The following TPBGL variants were observed in gnomAD, a reference collection of about 807,000 sequenced individuals.
TPBGL encodes the protein trophoblast glycoprotein like, also known as trophoblast glycoprotein-like.
For missense variants in TPBGL, 685 were observed against 609.4 expected, an observed-to-expected ratio of 1.12 and a Z score of -1.31; for synonymous variants, 380 against 314.8, an observed-to-expected ratio of 1.21 and a Z score of -2.19.
In TPBGL at chr11:75,243,494, C is replaced by T. The variant is rs533893311; in HGVS notation, c.*1296C>T. The stretch of plus-strand genomic sequence containing the variant: ...CCTTGCCTTCTCCATGATCCCAAAG[C>T]ACAATTGGTGAGTGGGGGAGAGGAC... On this transcript the variant is annotated 3_prime_UTR_variant, in exon 1 of 1. Coordinates refer to ENST00000562197, the MANE Select transcript of TPBGL (RefSeq NM_001195528.2). The T allele has an allele frequency of 6.6e-6, 1 of 152,356 alleles. No homozygotes were observed. The highest frequency in any genetic ancestry group is 2.1e-4 in the South Asian group (1 of 4,826). 9.4% of individuals were successfully genotyped at this position (152,356 alleles called of 1,614,324 possible).
Position 75,241,747 on chromosome 11 carries a change from A to G in TPBGL, c.698A>G (p.Asp233Gly). Residue 233 changes from aspartate to glycine, a missense_variant, in exon 1 of 1, where the codon GAC (aspartate) becomes GGC (glycine). Asp to Gly is a moderately conservative substitution (Grantham distance 94). Coordinates refer to ENST00000562197, the MANE Select transcript of TPBGL (RefSeq NM_001195528.2). Reference sequence around the variant, plus strand: ...CCCGGGCCGCGCCTGCTGCTCGCCGACAACCCCCTGCGCTGCGGCTGTGCC... The same window carrying G: ...CCCGGGCCGCGCCTGCTGCTCGCCGGCAACCCCCTGCGCTGCGGCTGTGCC... ...GLPGPRLLLA[D>G]NPLRCGCAAR... The G allele has an allele frequency of 4.6e-6, 6 of 1,295,358 alleles. No homozygotes were observed. Among genetic ancestry groups the G allele is most frequent in the Non-Finnish European group, 4.9e-6 (5 of 1,018,864 alleles). The allele number at this position is 1,295,358 out of a possible 1,614,324, so 80.2% of individuals were successfully genotyped here.
At position 75,240,859 on chromosome 11, in the gene TPBGL, G is replaced by T. The variant is rs1433458716; in HGVS notation, c.-191G>T. On this transcript the variant is annotated 5_prime_UTR_variant, in exon 1 of 1. Coordinates refer to ENST00000562197, the MANE Select transcript of TPBGL (RefSeq NM_001195528.2). ...CCGGGGGCGGGGGGCTCCGCTCCCC[G>T]TCTGACCCCTCTTGCCCCCGGCCAG... is the stretch of plus-strand genomic sequence containing the variant. The T allele has an allele frequency of 2.9e-6, 1 of 340,346 alleles. No homozygotes were observed. The highest frequency in any genetic ancestry group is 5.1e-6 in the Non-Finnish European group (1 of 197,402). 21.1% of individuals were successfully genotyped at this position (340,346 alleles called of 1,614,324 possible). A position where few individuals can be genotyped will look rare whatever the true frequency, so the allele number is the denominator to read the frequency against.
In TPBGL at chr11:75,241,825, C is replaced by G. The variant is rs999541894; in HGVS notation, c.776C>G (p.Ser259Trp). 1.6e-6 allele frequency: 2 copies of G among 1,286,680 alleles called. No individual in the cohort carries two copies. The highest frequency in any genetic ancestry group is 4.1e-5 in the Admixed American group (1 of 24,590). 79.7% of individuals were successfully genotyped at this position (1,286,680 alleles called of 1,614,324 possible). ...LRNATERVPDSRRLRCAAPRA... is the reference protein window; with the variant it reads ...LRNATERVPDWRRLRCAAPRA... ...AACGCCACGGAGCGCGTGCCCGACT[C>G]GCGGCGCCTGCGCTGCGCCGCCCCG... The change falls in exon 1 of 1, where the codon TCG becomes TGG. Residue 259 changes from serine to tryptophan, a missense_variant. Coordinates refer to ENST00000562197, the MANE Select transcript of TPBGL (RefSeq NM_001195528.2).
At position 75,242,128 on chromosome 11, in the gene TPBGL, A is replaced by G. The variant is rs977746724; in HGVS notation, c.1079A>G (p.Asp360Gly). ...GYHYRYEQDADPRRAPAPAAP... is the reference protein window; with the variant it reads ...GYHYRYEQDAGPRRAPAPAAP... ...CACTACCGCTACGAGCAGGACGCCG[A>G]CCCGCGCCGCGCGCCCGCGCCCGCC... is the stretch of plus-strand genomic sequence containing the variant. Residue 360 changes from aspartate to glycine, a missense_variant, in exon 1 of 1, where the codon GAC becomes GGC. By Grantham distance (94) the Asp-to-Gly change is moderately conservative. Transcript: ENST00000562197. The G allele has an allele frequency of 2.4e-6, 3 of 1,239,982 alleles. No individual in the cohort carries two copies. The highest frequency in any genetic ancestry group is 3.0e-6 in the Non-Finnish European group (3 of 993,044). 76.8% of individuals were successfully genotyped at this position (1,239,982 alleles called of 1,614,324 possible).
rs762388422 is a variant in TPBGL, at chr11:75,241,479, C to T, written c.430C>T (p.Leu144=). Residue 144 remains leucine (L), a synonymous_variant, in exon 1 of 1, where the codon CTG becomes TTG. Transcript: ENST00000562197. ...CGGCGCCTTCCGCGGGCTGCCCGCG[C>T]TGCGCTCGCTGCAGCTCAACCACGC... ...GGGAFRGLPA[L]RSLQLNHALV... The T allele has an allele frequency of 8.0e-7, 1 of 1,252,262 alleles. No individual in the cohort carries two copies. Among genetic ancestry groups the T allele is most frequent in the East Asian group, 3.5e-5 (1 of 28,484 alleles). 77.6% of individuals were successfully genotyped at this position (1,252,262 alleles called of 1,614,324 possible). A position where few individuals can be genotyped will look rare whatever the true frequency, so the allele number is the denominator to read the frequency against.
In TPBGL at chr11:75,242,235, C is replaced by A. The variant is rs1160198458; in HGVS notation, c.*37C>A. 1.4e-5 allele frequency: 15 copies of A among 1,084,774 alleles called. No homozygotes were observed. The Admixed American group carries it at 7.2e-4, about 52-fold the overall frequency. 67.2% of individuals were successfully genotyped at this position (1,084,774 alleles called of 1,614,324 possible). A position where few individuals can be genotyped will look rare whatever the true frequency, so the allele number is the denominator to read the frequency against. The stretch of plus-strand genomic sequence containing the variant: ...GGGCTCGGGGCTTCCCTTGCCTGGC[C>A]CGAAGCCGTGGAGATGAGACACCCG... On this transcript the variant is annotated 3_prime_UTR_variant, in exon 1 of 1. Transcript: ENST00000562197.
chr11:75,241,597 C>A lies in TPBGL; in HGVS notation c.548C>A (p.Ala183Glu). Residue 183 changes from alanine (A) to glutamate (E), a missense_variant, in exon 1 of 1, where the codon GCG (alanine) becomes GAG (glutamate). Transcript: ENST00000562197. ...ELRLLGLAGNALSRLPPAALR... is the reference protein window; with the variant it reads ...ELRLLGLAGNELSRLPPAALR... ...CGCCTGCTGGGCCTAGCGGGCAACG[C>A]GCTGAGCCGTCTGCCGCCAGCCGCC... 7.6e-7 allele frequency: 1 copy of A among 1,318,114 alleles called. No individual in the cohort carries two copies. The highest frequency in any genetic ancestry group is 9.8e-7 in the Non-Finnish European group (1 of 1,025,612). 81.7% of individuals were successfully genotyped at this position (1,318,114 alleles called of 1,614,324 possible).
rs1371029745 is a variant in TPBGL at position 75,242,304 on chromosome 11, A to C, written c.*106A>C. On this transcript the variant is annotated 3_prime_UTR_variant, in exon 1 of 1. Coordinates refer to ENST00000562197, the MANE Select transcript of TPBGL (RefSeq NM_001195528.2). ...ACCTTCCCCTGACTCGGAGGCGCTAAGCCGTACCCTCTCGTTCCCGCCTCC... is the reference window on the plus strand; with the variant it reads ...ACCTTCCCCTGACTCGGAGGCGCTACGCCGTACCCTCTCGTTCCCGCCTCC... 9.6e-7 allele frequency: 1 copy of C among 1,038,310 alleles called. No homozygotes were observed. Among genetic ancestry groups the C allele is most frequent in the African/African-American group, 1.7e-5 (1 of 58,338 alleles). 64.3% of individuals were successfully genotyped at this position (1,038,310 alleles called of 1,614,324 possible). A position where few individuals can be genotyped will look rare whatever the true frequency, so the allele number is the denominator to read the frequency against.
Position 75,242,336 on chromosome 11 carries a change from T to C in TPBGL, c.*138T>C. 1 of 1,001,856 alleles carries C rather than the reference T, an allele frequency of 1.0e-6. No homozygotes were observed. 62.1% of individuals were successfully genotyped at this position (1,001,856 alleles called of 1,614,324 possible). A position where few individuals can be genotyped will look rare whatever the true frequency, so the allele number is the denominator to read the frequency against. The stretch of plus-strand genomic sequence containing the variant: ...CCCTCTCGTTCCCGCCTCCGAGAGC[T>C]CCCACCGTCAAAGACCCAGAGATAG... On this transcript the variant is annotated 3_prime_UTR_variant, in exon 1 of 1. Coordinates refer to ENST00000562197, the MANE Select transcript of TPBGL (RefSeq NM_001195528.2).
In TPBGL at chr11:75,240,967, C is replaced by T; in HGVS notation, c.-83C>T. On this transcript the variant is annotated 5_prime_UTR_variant, in exon 1 of 1. Transcript: ENST00000562197. The stretch of plus-strand genomic sequence containing the variant: ...TGCCAGCCGCTCCGGGTCAAGGACT[C>T]GCCCCACCCGTGCCCCCCACCAGGC... The T allele has an allele frequency of 4.8e-6, 5 of 1,038,660 alleles. No homozygotes were observed. The highest frequency in any genetic ancestry group is 6.1e-6 in the Non-Finnish European group (5 of 825,040). The allele number at this position is 1,038,660 out of a possible 1,614,324, so 64.3% of individuals were successfully genotyped here.
chr11:75,241,084 G>T lies in TPBGL; in HGVS notation c.35G>T (p.Gly12Val). Residue 12 changes from glycine to valine, a missense_variant, in exon 1 of 1, where the codon GGG (glycine) becomes GTG (valine). Coordinates refer to ENST00000562197, the MANE Select transcript of TPBGL (RefSeq NM_001195528.2). ...CGCGCGGGACAGCCGGGGCTCCAGGGGCTGCTGCTCGTGGCGGCGGCGCTG... is the reference window on the plus strand; with the variant it reads ...CGCGCGGGACAGCCGGGGCTCCAGGTGCTGCTGCTCGTGGCGGCGGCGCTG... ...APRAGQPGLQ[G>V]LLLVAAALSQ... 5 of 1,339,178 alleles carry T rather than the reference G, an allele frequency of 3.7e-6. No individual in the cohort carries two copies. Among genetic ancestry groups the T allele is most frequent in the Non-Finnish European group, 4.8e-6 (5 of 1,044,638 alleles). The allele number at this position is 1,339,178 out of a possible 1,614,324, so 83.0% of individuals were successfully genotyped here.
chr11:75,241,521 C>A lies in TPBGL; in HGVS notation c.472C>A (p.Pro158Thr). The A allele has an allele frequency of 8.2e-7, 1 of 1,216,662 alleles. No individual in the cohort carries two copies. Among genetic ancestry groups the A allele is most frequent in the Non-Finnish European group, 1.0e-6 (1 of 979,558 alleles). 75.4% of individuals were successfully genotyped at this position (1,216,662 alleles called of 1,614,324 possible). Residue 158 changes from proline (P) to threonine (T), a missense_variant, in exon 1 of 1, where the codon CCC becomes ACC. Transcript: ENST00000562197. ...QLNHALVRGG[P>T]ALLAALDAAL... ...CAACCACGCGCTGGTGCGCGGCGGC[C>A]CCGCGCTGCTGGCCGCGCTGGACGC...
In TPBGL at chr11:75,241,383, G is replaced by T; in HGVS notation, c.334G>T (p.Gly112Cys). 9 of 1,372,718 alleles carry T rather than the reference G, an allele frequency of 6.6e-6. No homozygotes were observed. The highest frequency in any genetic ancestry group is 1.5e-5 in the African/African-American group (1 of 65,508). 85.0% of individuals were successfully genotyped at this position (1,372,718 alleles called of 1,614,324 possible). A position where few individuals can be genotyped will look rare whatever the true frequency, so the allele number is the denominator to read the frequency against. ...THNHIEVVED[G>C]AFDGLPSLAA... The stretch of plus-strand genomic sequence containing the variant: ...CAACCACATCGAGGTGGTGGAGGAC[G>T]GCGCCTTCGACGGGCTGCCCAGCCT... The change falls in exon 1 of 1, where the codon GGC becomes TGC. Residue 112 changes from glycine to cysteine, a missense_variant. By Grantham distance (159) the Gly-to-Cys change is radical. Coordinates refer to ENST00000562197, the MANE Select transcript of TPBGL (RefSeq NM_001195528.2).
In TPBGL at chr11:75,241,433, C is replaced by G. The variant is rs967219740; in HGVS notation, c.384C>G (p.Asn128Lys). The change falls in exon 1 of 1, where the codon AAC becomes AAG. Residue 128 changes from asparagine (N) to lysine (K), a missense_variant. By Grantham distance (94) the Asn-to-Lys change is moderately conservative. Transcript: ENST00000562197. ...PSLAALDLSH[N>K]PLRALGGGAF... Reference sequence around the variant, plus strand: ...TGGCGGCGCTCGACCTCAGCCACAACCCGCTGCGCGCCCTGGGCGGCGGCG... The same window carrying G: ...TGGCGGCGCTCGACCTCAGCCACAAGCCGCTGCGCGCCCTGGGCGGCGGCG... 5.1e-5 allele frequency: 67 copies of G among 1,305,394 alleles called. No individual in the cohort carries two copies. Among genetic ancestry groups the G allele is most frequent in the Non-Finnish European group, 6.1e-5 (63 of 1,028,662 alleles). The allele number at this position is 1,305,394 out of a possible 1,614,324, so 80.9% of individuals were successfully genotyped here.
In TPBGL at chr11:75,241,723, C is replaced by G. The variant is rs973113724; in HGVS notation, c.674C>G (p.Pro225Arg). Residue 225 changes from proline to arginine, a missense_variant, in exon 1 of 1, where the codon CCC (proline) becomes CGC (arginine). Coordinates refer to ENST00000562197, the MANE Select transcript of TPBGL (RefSeq NM_001195528.2). The stretch of plus-strand genomic sequence containing the variant: ...GCGCTGGAGCGCGATGGCGGCCTCC[C>G]CGGGCCGCGCCTGCTGCTCGCCGAC... ...LRALERDGGL[P>R]GPRLLLADNP... 1.1e-4 allele frequency: 140 copies of G among 1,268,780 alleles called. 1 individual carries two copies. Among genetic ancestry groups the G allele is most frequent in the African/African-American group, 1.4e-4 (9 of 62,864 alleles). The allele number at this position is 1,268,780 out of a possible 1,614,324, so 78.6% of individuals were successfully genotyped here.
rs138623574 is a variant in TPBGL at position 75,241,094 on chromosome 11, C to T, written c.45C>T (p.Leu15=). 4.4e-5 allele frequency: 60 copies of T among 1,356,554 alleles called. No homozygotes were observed. The highest frequency in any genetic ancestry group is 4.8e-5 in the Non-Finnish European group (51 of 1,052,932). 84.0% of individuals were successfully genotyped at this position (1,356,554 alleles called of 1,614,324 possible). The part of the protein sequence containing the change: ...AGQPGLQGLL[L]VAAALSQPAA... Reference sequence around the variant, plus strand: ...AGCCGGGGCTCCAGGGGCTGCTGCTCGTGGCGGCGGCGCTGAGCCAGCCCG... The same window carrying T: ...AGCCGGGGCTCCAGGGGCTGCTGCTTGTGGCGGCGGCGCTGAGCCAGCCCG... The change falls in exon 1 of 1, where the codon CTC becomes CTT. Residue 15 remains leucine (L), a synonymous_variant. Coordinates refer to ENST00000562197, the MANE Select transcript of TPBGL (RefSeq NM_001195528.2).
Position 75,242,300 on chromosome 11 carries a change from G to A in TPBGL, c.*102G>A. On this transcript the variant is annotated 3_prime_UTR_variant, in exon 1 of 1. Coordinates refer to ENST00000562197, the MANE Select transcript of TPBGL (RefSeq NM_001195528.2). Reference sequence around the variant, plus strand: ...TGAGACCTTCCCCTGACTCGGAGGCGCTAAGCCGTACCCTCTCGTTCCCGC... The same window carrying A: ...TGAGACCTTCCCCTGACTCGGAGGCACTAAGCCGTACCCTCTCGTTCCCGC... 1 of 1,039,826 alleles carries A rather than the reference G, an allele frequency of 9.6e-7. No homozygotes were observed. Among genetic ancestry groups the A allele is most frequent in the Non-Finnish European group, 1.2e-6 (1 of 866,508 alleles). The allele number at this position is 1,039,826 out of a possible 1,614,324, so 64.4% of individuals were successfully genotyped here.
At position 75,242,201 on chromosome 11, in the gene TPBGL, G is replaced by T. The variant is rs1945607287; in HGVS notation, c.*3G>T. Reference sequence around the variant, plus strand: ...CCTCCCCGGGCTCGGGGCTCTGAGCGGCGCCCCCGGGCTCGGGGCTTCCCT... The same window carrying T: ...CCTCCCCGGGCTCGGGGCTCTGAGCTGCGCCCCCGGGCTCGGGGCTTCCCT... On this transcript the variant is annotated 3_prime_UTR_variant, in exon 1 of 1. Coordinates refer to ENST00000562197, the MANE Select transcript of TPBGL (RefSeq NM_001195528.2). 1 of 1,107,314 alleles carries T rather than the reference G, an allele frequency of 9.0e-7. No individual in the cohort carries two copies. The highest frequency in any genetic ancestry group is 1.1e-6 in the Non-Finnish European group (1 of 911,162). 68.6% of individuals were successfully genotyped at this position (1,107,314 alleles called of 1,614,324 possible). A position where few individuals can be genotyped will look rare whatever the true frequency, so the allele number is the denominator to read the frequency against.
At position 75,243,031 on chromosome 11, in the gene TPBGL, T is replaced by A. The variant is rs985870716; in HGVS notation, c.*833T>A. On this transcript the variant is annotated 3_prime_UTR_variant, in exon 1 of 1. Coordinates refer to ENST00000562197, the MANE Select transcript of TPBGL (RefSeq NM_001195528.2). The stretch of plus-strand genomic sequence containing the variant: ...CCTTTGGCTCTTGACCCCCCCCCCA[T>A]ACCCAATGCTGGCACTCAGCACCCA... 1.5e-5 allele frequency: 2 copies of A among 135,300 alleles called. No individual in the cohort carries two copies. The highest frequency in any genetic ancestry group is 5.6e-5 in the African/African-American group (2 of 35,650). 8.4% of individuals were successfully genotyped at this position (135,300 alleles called of 1,614,324 possible).
Sources: gnomAD v4.1 joint callset for allele counts on GRCh38, gnomAD v4.1.1 for gene constraint, MANE v1.5 for transcripts, NCBI Gene and HGNC (gene_info 2026-07-23, HGNC 2026-07-21) for gene names.